The following RBPMS variants were observed in gnomAD, a reference collection of about 807,000 sequenced individuals.
The protein encoded by RBPMS is RNA binding protein, mRNA processing factor.
RBPMS carries 7 observed loss-of-function variants against 26.8 expected under a neutral mutation model. The ratio of observed to expected loss-of-function variants is 0.26; its 90% CI spans 0.15 to 0.49. RBPMS has a LOEUF of 0.49. RBPMS is among the 20% of genes least tolerant of loss of function. RBPMS has a pLI of 0.98. For missense variants in RBPMS, 186 were observed against 250.0 expected (o/e 0.74, Z 1.73); for synonymous variants, 96 against 93.3 (o/e 1.03, Z -0.17).
chr8:30,462,633 T>G (rs1398065122), intron 1 of RBPMS, among the ~76,000 whole-genome samples: 1 of 152,082 alleles, frequency 6.6e-6, no homozygotes. Context: ...GCACCATGTC[T>G]GCCAGGCTGG....
intron 1 of RBPMS, among the ~76,000 whole-genome samples, chr8:30,422,540 A>G (rs976676141): frequency 6.6e-6 from 1 of 152,166 alleles, no homozygotes; most frequent in African/African-American, 2.4e-5. Context: ...AGGTGCTGAG[A>G]TTATAGGCGT....
At chr8:30,447,979 C>T (rs1050843915) in intron 1 of RBPMS, among the ~76,000 whole-genome samples, 1 of 152,180 alleles carries the variant, frequency 6.6e-6, no homozygotes, top group African/African-American at 2.4e-5. Flanking sequence ...TCTTAGTCCT[C>T]TTACCTCAGC....
chr8:30,414,847 G>C (rs1809878565), intron 1 of RBPMS, among the ~76,000 whole-genome samples: 1 of 152,000 alleles, frequency 6.6e-6, no homozygotes, highest in Non-Finnish European at 1.5e-5. Context: ...CCCTTCCCTT[G>C]GCCTCCATGA....
intron 1 of RBPMS, among the ~76,000 whole-genome samples, chr8:30,431,605 C>T (rs1169046305): frequency 6.6e-6 from 1 of 151,852 alleles, no homozygotes; most frequent in Non-Finnish European, 1.5e-5. Flanking sequence ...CGTGCACCAC[C>T]ATGCCCAGCT....
At chr8:30,536,751 C>G (rs970021246) in intron 5 of RBPMS, among the ~76,000 whole-genome samples, 1 of 152,138 alleles carries the variant, frequency 6.6e-6, no homozygotes, top group Non-Finnish European at 1.5e-5. Context: ...CCTTCCTTTT[C>G]TACTCTTTCT....
In RBPMS at chr8:30,504,310, C is replaced by T. The variant is rs781549667; in HGVS notation, c.271C>T (p.Pro91Ser). Residue 91 changes from proline (P) to serine (S), a missense_variant, in exon 5 of 9, where the codon CCG becomes TCG. Pro to Ser is a moderately conservative substitution (Grantham distance 74). This residue lies in a region of RBPMS where 50 missense variants were observed against 108.5 expected (regional missense o/e 0.46). Coordinates refer to ENST00000397323, the MANE Select transcript of RBPMS (RefSeq NM_001008710.3). ...GGGCATCCGCTTCGATCCTGAAATT[C>T]CGCAAACACTACGACTAGAGTTTGC... ...LNGIRFDPEIPQTLRLEFAKA... is the reference protein window; with the variant it reads ...LNGIRFDPEISQTLRLEFAKA... The T allele has an allele frequency of 6.2e-7, 1 of 1,614,214 alleles. No homozygotes were observed. The highest frequency in any genetic ancestry group is 1.1e-5 in the South Asian group (1 of 91,084).
At chr8:30,474,266 A>G (rs1817457153) in intron 1 of RBPMS, among the ~76,000 whole-genome samples, 1 of 152,184 alleles carries the variant, frequency 6.6e-6, no homozygotes. Context: ...CTATGAGGAA[A>G]GCAGCAACAA....
chr8:30,554,604 C>T (rs1177257909), intron 6 of RBPMS, among the ~76,000 whole-genome samples: 2 of 152,144 alleles, frequency 1.3e-5, no homozygotes, highest in African/African-American at 2.4e-5. Context: ...ATCTCTCAGA[C>T]TTGACCATGT....
chr8:30,538,503 G>C (rs567941889), intron 5 of RBPMS, among the ~76,000 whole-genome samples: 1 of 152,100 alleles, frequency 6.6e-6, no homozygotes, highest in Non-Finnish European at 1.5e-5. Flanking sequence ...TAATCCACCC[G>C]CTTCGGCCTC....
At chr8:30,419,044 T>C (rs1183268569) in intron 1 of RBPMS, among the ~76,000 whole-genome samples, 1 of 137,596 alleles carries the variant, frequency 7.3e-6, no homozygotes, top group African/African-American at 2.9e-5. Flanking sequence ...ATCATCTGCA[T>C]AGAAAATCCA....
chr8:30,438,675 CAAT>C (rs1415772203), intron 1 of RBPMS, among the ~76,000 whole-genome samples: 1 of 152,142 alleles, frequency 6.6e-6, no homozygotes, highest in Non-Finnish European at 1.5e-5. Context: ...TTTGTCTTTG[CAAT>C]AATGATATTA....
At chr8:30,438,045 A>G (rs1022672437) in intron 1 of RBPMS, among the ~76,000 whole-genome samples, 6 of 152,182 alleles carry the variant, frequency 3.9e-5, no homozygotes, top group Non-Finnish European at 8.8e-5. Context: ...AATTATAGCT[A>G]TTTATTACTT....
At chr8:30,516,117 C>A (rs1252170291) in intron 5 of RBPMS, among the ~76,000 whole-genome samples, 1 of 152,172 alleles carries the variant, frequency 6.6e-6, no homozygotes, top group Non-Finnish European at 1.5e-5. Flanking sequence ...CAGTGGCTCA[C>A]GCCTGTAATT....
intron 6 of RBPMS, among the ~76,000 whole-genome samples, chr8:30,557,259 C>T (rs942238688): frequency 2.6e-5 from 4 of 152,208 alleles, no homozygotes; most frequent in Non-Finnish European, 4.4e-5. Context: ...AGGAAAGAAC[C>T]GCTCGTGAGG....
chr8:30,550,310 C>T (rs1030175352), intron 6 of RBPMS, among the ~76,000 whole-genome samples: 6 of 152,148 alleles, frequency 3.9e-5, no homozygotes, highest in African/African-American at 1.2e-4. Flanking sequence ...ACACGCTGTG[C>T]GACCTCAATT....
At chr8:30,458,424 A>G (rs1331063911) in intron 1 of RBPMS, among the ~76,000 whole-genome samples, 1 of 152,184 alleles carries the variant, frequency 6.6e-6, no homozygotes, top group Non-Finnish European at 1.5e-5. Flanking sequence ...TTTGCAGATG[A>G]CACTAAAGCA....
chr8:30,555,703 G>GAGCTCC (rs1826816308), intron 6 of RBPMS, among the ~76,000 whole-genome samples: 1 of 152,210 alleles, frequency 6.6e-6, no homozygotes, highest in Admixed American at 6.5e-5. Flanking sequence ...CTAGCCTGCT[G>GAGCTCC]AACTGTTTGG....
chr8:30,549,772 T>TTCTCTCTC (rs1181705539), intron 6 of RBPMS, among the ~76,000 whole-genome samples: 4,977 of 68,678 alleles, frequency 0.072, 398 homozygotes, highest in East Asian at 0.14. Context: ...TTTTCTTTTC[T>TTCTCTCTC]TCTCTCTCTC....
intron 6 of RBPMS, among the ~76,000 whole-genome samples, chr8:30,554,105 A>G (rs1826632104): frequency 6.6e-6 from 1 of 152,236 alleles, no homozygotes; most frequent in Non-Finnish European, 1.5e-5. Flanking sequence ...ATTTTGTTCA[A>G]AGAGGGATAG....
Sources: allele counts gnomAD v4.1 joint callset (sites outside exome capture counted in the v4.1 genomes callset), GRCh38; gene constraint gnomAD v4.1.1; regional missense constraint gnomAD v4.1.1; transcripts MANE v1.5; gene names NCBI Gene and HGNC (gene_info 2026-07-23, HGNC 2026-07-21).